The following VAPB variants were observed in gnomAD, a reference collection of about 807,000 sequenced individuals.
The protein encoded by VAPB is vesicle-associated membrane protein-associated protein B/C.
VAPB carries 7 observed loss-of-function variants against 25.6 expected under a neutral mutation model. The ratio of observed to expected loss-of-function variants is 0.27; its 90% CI spans 0.16 to 0.51. The LOEUF (loss-of-function observed/expected upper bound fraction) is 0.51, where lower values mean the gene tolerates loss of function less well. Among genes scored for constraint, VAPB ranks in the 20% least tolerant of loss-of-function variants. VAPB has a pLI of 0.97. For missense variants in VAPB, 266 were observed against 301.3 expected, an observed-to-expected ratio of 0.88 and a Z score of 0.87; for synonymous variants, 112 against 109.2, an observed-to-expected ratio of 1.03 and a Z score of -0.16.
rs1196843177 is a variant in VAPB, at chr20:58,448,464, A to G, written c.*4229A>G. 2 of 454,110 alleles carry G rather than the reference A, an allele frequency of 4.4e-6. No homozygotes were observed. The highest frequency in any genetic ancestry group is 1.4e-4 in the East Asian group (2 of 14,394). The allele number at this position is 454,110 out of a possible 1,614,324, so 28.1% of individuals were successfully genotyped here. On this transcript the variant is annotated 3_prime_UTR_variant, in exon 6 of 6. Coordinates refer to ENST00000475243, the MANE Select transcript of VAPB (RefSeq NM_004738.5). ...TCGCTCATTGAACTTAATCCTTGCA[A>G]CTGTGACTGGGGGGTAGATGGCTCT... is the stretch of plus-strand genomic sequence containing the variant.
chr20:58,420,552 C>G (rs1988647630), intron 2 of VAPB, among the ~76,000 whole-genome samples: 1 of 152,142 alleles, frequency 6.6e-6, no homozygotes, highest in Non-Finnish European at 1.5e-5. Context: ...ACTAAACTGC[C>G]TCAGTAGTGT....
intron 1 of VAPB, among the ~76,000 whole-genome samples, chr20:58,413,476 G>A (rs1194277532): frequency 6.6e-6 from 1 of 152,286 alleles, no homozygotes; most frequent in South Asian, 2.1e-4. Context: ...TAAGGTCACC[G>A]ATCAACAGGA....
At chr20:58,400,178 T>C (rs1411957891) in intron 1 of VAPB, among the ~76,000 whole-genome samples, 4 of 152,198 alleles carry the variant, frequency 2.6e-5, no homozygotes, top group Non-Finnish European at 5.9e-5. Context: ...CTAGCATTGC[T>C]GTCACCTAGA....
intron 1 of VAPB, among the ~76,000 whole-genome samples, chr20:58,391,217 C>G (rs1394073291): frequency 6.6e-6 from 1 of 152,140 alleles, no homozygotes; most frequent in Non-Finnish European, 1.5e-5. Context: ...AGTACCTGAT[C>G]TGTGTGTCAG....
In VAPB at chr20:58,434,719, GCTT is replaced by G. The variant is rs1989000902; in HGVS notation, c.315+18_315+20del. ...ATGGAAGCAGTAGTAAGTACTGAAT[GCTT>G]CTTATTTTTTTCAGTAACAATAATT... is the stretch of plus-strand genomic sequence containing the variant. On this transcript the variant is annotated intron_variant, in intron 3 of 5. Coordinates refer to ENST00000475243, the MANE Select transcript of VAPB (RefSeq NM_004738.5). The G allele has an allele frequency of 4.7e-6, 6 of 1,272,662 alleles. No individual in the cohort carries two copies. The highest frequency in any genetic ancestry group is 5.7e-6 in the Non-Finnish European group (5 of 870,202). The allele number at this position is 1,272,662 out of a possible 1,614,324, so 78.8% of individuals were successfully genotyped here.
chr20:58,418,411 G>T, intron 2 of VAPB, 48 bp downstream of exon 2: 1 of 1,599,086 alleles, frequency 6.3e-7, no homozygotes, highest in African/African-American at 1.3e-5. Flanking sequence ...GAAGGCCCCT[G>T]GACAGTAGGT....
chr20:58,416,636 T>A (rs1258325681), intron 1 of VAPB, among the ~76,000 whole-genome samples: 1 of 152,178 alleles, frequency 6.6e-6, no homozygotes, highest in Non-Finnish European at 1.5e-5. Context: ...CAAATTTATG[T>A]TTTCAAAATA....
chr20:58,394,162 C>T (rs774719687), intron 1 of VAPB, among the ~76,000 whole-genome samples: 9 of 152,196 alleles, frequency 5.9e-5, no homozygotes, highest in Middle Eastern at 3.2e-3. Flanking sequence ...ACCAATGAAT[C>T]AGTGTAGTTG....
chr20:58,405,552 T>G (rs1375800831), intron 1 of VAPB, among the ~76,000 whole-genome samples: 1 of 150,628 alleles, frequency 6.6e-6, no homozygotes, highest in Non-Finnish European at 1.5e-5. Context: ...AACCTCTGTC[T>G]CCCGGGTTCA....
At chr20:58,441,332 T>C (rs527719902) in intron 5 of VAPB, among the ~76,000 whole-genome samples, 1 of 142,626 alleles carries the variant, frequency 7.0e-6, no homozygotes, top group South Asian at 2.2e-4. Flanking sequence ...CTTGTCCCCT[T>C]AAAAAAAAAA....
In VAPB at chr20:58,444,814, G is replaced by A. The variant is rs879721173; in HGVS notation, c.*579G>A. The A allele has an allele frequency of 5.9e-5, 27 of 454,468 alleles. No homozygotes were observed. The highest frequency in any genetic ancestry group is 8.8e-5 in the Non-Finnish European group (20 of 226,816). The allele number at this position is 454,468 out of a possible 1,614,324, so 28.2% of individuals were successfully genotyped here. A position where few individuals can be genotyped will look rare whatever the true frequency, so the allele number is the denominator to read the frequency against. ...GACGTACTCGTCATAAGTGAGAGGC[G>A]TGTGTTGACTGATTGACCCAGCGCT... On this transcript the variant is annotated 3_prime_UTR_variant, in exon 6 of 6. Coordinates refer to ENST00000475243, the MANE Select transcript of VAPB (RefSeq NM_004738.5).
At chr20:58,409,012 T>G (rs1343254747) in intron 1 of VAPB, among the ~76,000 whole-genome samples, 1 of 151,508 alleles carries the variant, frequency 6.6e-6, no homozygotes, top group Admixed American at 6.6e-5. Flanking sequence ...AGTCTCAGTA[T>G]TTATTCACCC....
At chr20:58,430,152 A>G (rs1404901398) in intron 2 of VAPB, among the ~76,000 whole-genome samples, 2 of 150,558 alleles carry the variant, frequency 1.3e-5, no homozygotes, top group Admixed American at 6.6e-5. Context: ...AGAATAACAT[A>G]ATTACATGTT....
chr20:58,402,512 C>T (rs1319675222), intron 1 of VAPB, among the ~76,000 whole-genome samples: 1 of 151,664 alleles, frequency 6.6e-6, no homozygotes, highest in African/African-American at 2.4e-5. Flanking sequence ...TTGTCATTGG[C>T]AACGTGATAC....
At chr20:58,428,694 C>T (rs954594108) in intron 2 of VAPB, among the ~76,000 whole-genome samples, 1 of 152,142 alleles carries the variant, frequency 6.6e-6, no homozygotes, top group East Asian at 1.9e-4. Context: ...GTAAAAAGTA[C>T]ATAATTTCTG....
chr20:58,390,196 A>G (rs970810174), intron 1 of VAPB: 11 of 152,106 alleles, frequency 7.2e-5, no homozygotes, highest in South Asian at 4.1e-4. Context: ...TTTTCCTTTC[A>G]CTGCGTCCCT....
intron 5 of VAPB, 117 bp from the exon 6 acceptor site, chr20:58,443,960 T>C: frequency 1.4e-6 from 2 of 1,481,400 alleles, no homozygotes; most frequent in Non-Finnish European, 1.9e-6. Flanking sequence ...AAAATGCGGT[T>C]GGACCATATC....
At chr20:58,421,219 G>A (rs1988660230) in intron 2 of VAPB, among the ~76,000 whole-genome samples, 1 of 152,192 alleles carries the variant, frequency 6.6e-6, no homozygotes, top group African/African-American at 2.4e-5. Flanking sequence ...AGGGAGAATA[G>A]TGTCTACCTT....
chr20:58,419,622 A>T (rs2123061101), intron 2 of VAPB, among the ~76,000 whole-genome samples: 1 of 152,340 alleles, frequency 6.6e-6, no homozygotes. Flanking sequence ...CAAGATGTGG[A>T]TCATTCTGAC....
Sources: allele counts gnomAD v4.1 joint callset (sites outside exome capture counted in the v4.1 genomes callset), GRCh38; gene constraint gnomAD v4.1.1; transcripts MANE v1.5; gene names NCBI Gene and HGNC (gene_info 2026-07-23, HGNC 2026-07-21).